Variants in CTXND2 observed in about 807,000 individuals in gnomAD.
CTXND2 encodes cortexin domain containing 2.
At chr1:150,909,384 C>T (rs775183363) in intron 1 of CTXND2, among the ~76,000 whole-genome samples, 53 of 151,958 alleles carry the variant, frequency 3.5e-4, no homozygotes, top group Non-Finnish European at 6.5e-4. Flanking sequence ...TCCATCTCTA[C>T]CAAAACAAAC....
chr1:150,896,131 G>A (rs1043996289), intron 1 of CTXND2, among the ~76,000 whole-genome samples: 65 of 152,204 alleles, frequency 4.3e-4, no homozygotes, highest in African/African-American at 1.5e-3. Flanking sequence ...GAAAGGAGCA[G>A]GAGAGATGAT....
chr1:150,897,388 A>C (rs370115240), intron 1 of CTXND2, among the ~76,000 whole-genome samples: 5 of 152,208 alleles, frequency 3.3e-5, no homozygotes, highest in African/African-American at 1.2e-4. Flanking sequence ...GCAGTGGCAC[A>C]ATATTGGCTC....
chr1:150,898,320 C>T (rs764969722), intron 1 of CTXND2, among the ~76,000 whole-genome samples: 1 of 152,122 alleles, frequency 6.6e-6, no homozygotes, highest in Non-Finnish European at 1.5e-5. Flanking sequence ...AATATATTTA[C>T]CTCTAGCCAC....
At chr1:150,894,258 T>TA (rs1167442114) in intron 1 of CTXND2, among the ~76,000 whole-genome samples, 1 of 152,184 alleles carries the variant, frequency 6.6e-6, no homozygotes, top group Non-Finnish European at 1.5e-5. Flanking sequence ...TCTAGTTATT[T>TA]AAAACAGAAG....
Position 150,905,483 on chromosome 1 carries a change from CA to C in CTXND2, c.-73-6758del, listed in dbSNP as rs201369914. 8.4e-3 allele frequency among the ~76,000 whole-genome samples: 1,283 copies of C among 152,162 alleles called. 7 individuals are homozygous for C. The highest frequency in any genetic ancestry group is 0.012 in the Non-Finnish European group (811 of 67,990). ...TCCATCTGCACATCTGGGAGGAGTC[CA>C]GGGGGTGGCATGAAAACCCAGTGTA... On this transcript the variant is annotated intron_variant, in intron 1 of 1. Transcript: ENST00000636087.
chr1:150,908,115 G>C (rs910147930), intron 1 of CTXND2, among the ~76,000 whole-genome samples: 1 of 150,738 alleles, frequency 6.6e-6, no homozygotes, highest in East Asian at 2.0e-4. Context: ...TGATCCTCCC[G>C]CCTCTGCCCC....
chr1:150,893,448 G>A (rs1444555272), intron 1 of CTXND2, among the ~76,000 whole-genome samples: 1 of 151,990 alleles, frequency 6.6e-6, no homozygotes, highest in Non-Finnish European at 1.5e-5. Flanking sequence ...TTAAGTAGTA[G>A]GTTTGCTATA....
chr1:150,904,316 G>T, intron 1 of CTXND2: 1 of 375,358 alleles, frequency 2.7e-6, no homozygotes, highest in Non-Finnish European at 5.2e-6. Flanking sequence ...GATCATGAAT[G>T]ACTGACAGAA....
intron 1 of CTXND2, among the ~76,000 whole-genome samples, chr1:150,900,197 T>A (rs894040190): frequency 2.0e-5 from 3 of 152,108 alleles, no homozygotes; most frequent in Admixed American, 2.0e-4. Context: ...TGAGTTGTAA[T>A]ACTCACCGTG....
intron 1 of CTXND2, among the ~76,000 whole-genome samples, chr1:150,900,835 A>T (rs1669008116): frequency 6.6e-6 from 1 of 152,186 alleles, no homozygotes; most frequent in South Asian, 2.1e-4. Context: ...TATAACTGTT[A>T]AAAAAACAAT....
exon 2 of CTXND2, chr1:150,912,759 G>T (rs1275031206): frequency 4.5e-5 from 12 of 268,886 alleles, no homozygotes; most frequent in Non-Finnish European, 7.6e-5. Flanking sequence ...ATGATGTAAT[G>T]TAACATAATG....
intron 1 of CTXND2, among the ~76,000 whole-genome samples, chr1:150,900,752 C>T (rs766909780): frequency 6.6e-5 from 10 of 151,832 alleles, no homozygotes; most frequent in Admixed American, 3.3e-4. Context: ...ATTTAAAAAT[C>T]GAGGGGAGAA....
intron 1 of CTXND2, among the ~76,000 whole-genome samples, chr1:150,900,182 C>T (rs998043047): frequency 1.3e-5 from 2 of 152,126 alleles, no homozygotes; most frequent in Admixed American, 6.5e-5. Flanking sequence ...TCTGCACTAC[C>T]TTTATGAGTT....
At chr1:150,895,003 C>G (rs1273271755) in intron 1 of CTXND2, among the ~76,000 whole-genome samples, 1 of 151,784 alleles carries the variant, frequency 6.6e-6, no homozygotes, top group Admixed American at 6.6e-5. Flanking sequence ...TGCACCCCAG[C>G]CTGGGTGACA....
chr1:150,898,320 C>A (rs764969722), intron 1 of CTXND2, among the ~76,000 whole-genome samples: 1 of 152,122 alleles, frequency 6.6e-6, no homozygotes, highest in Non-Finnish European at 1.5e-5. Flanking sequence ...AATATATTTA[C>A]CTCTAGCCAC....
intron 1 of CTXND2, among the ~76,000 whole-genome samples, chr1:150,894,094 G>T (rs1352033223): frequency 1.3e-5 from 2 of 151,782 alleles, no homozygotes; most frequent in African/African-American, 4.8e-5. Flanking sequence ...TTTATCAAAT[G>T]CTTTTTCTGT....
intron 1 of CTXND2, among the ~76,000 whole-genome samples, chr1:150,901,028 C>T (rs941600373): frequency 3.3e-5 from 5 of 152,194 alleles, no homozygotes; most frequent in African/African-American, 9.6e-5. Context: ...AGGAGGATCC[C>T]TTGAGCCCAG....
intron 1 of CTXND2, among the ~76,000 whole-genome samples, chr1:150,890,318 G>A (rs953130469): frequency 6.7e-6 from 1 of 149,634 alleles, no homozygotes; most frequent in Admixed American, 6.7e-5. Flanking sequence ...GTACTAAGAA[G>A]ACAGATTTGG....
chr1:150,900,543 G>C (rs929717320), intron 1 of CTXND2, among the ~76,000 whole-genome samples: 1 of 152,164 alleles, frequency 6.6e-6, no homozygotes, highest in Admixed American at 6.5e-5. Flanking sequence ...CCAGCTATTT[G>C]GGAAACAGGC....
Sources: gnomAD v4.1 joint callset for allele counts (sites outside exome capture counted in the v4.1 genomes callset) on GRCh38, gnomAD v4.1.1 for gene constraint, MANE v1.5 for transcripts, NCBI Gene and HGNC (gene_info 2026-07-23, HGNC 2026-07-21) for gene names.